ABTB2: variants seen among roughly 807,000 people sequenced by gnomAD.
ABTB2 encodes the protein ankyrin repeat and BTB/POZ domain-containing protein 2.
Under a neutral mutation model 104.1 loss-of-function variants are expected in ABTB2, and 56 were observed. The ratio of observed to expected loss-of-function variants is 0.54; its 90% CI spans 0.43 to 0.67. The LOEUF is 0.67. ABTB2 is among the 30% of genes least tolerant of loss of function. The pLI, the probability that ABTB2 is intolerant of heterozygous loss-of-function variation, is 0.00. For synonymous variants in ABTB2, 606 were observed against 608.2 expected (o/e 1.00, Z 0.05); for missense variants, 1,279 against 1,407.7 (o/e 0.91, Z 1.46).
At chr11:34,308,776 C>A (rs1854809113) in intron 1 of ABTB2, among the ~76,000 whole-genome samples, 1 of 144,330 alleles carries the variant, frequency 6.9e-6, no homozygotes, top group African/African-American at 2.6e-5. Context: ...GAGGTTAAGG[C>A]AGGAGAATTG....
intron 5 of ABTB2, among the ~76,000 whole-genome samples, chr11:34,168,787 C>T (rs1375813409): frequency 6.6e-6 from 1 of 152,252 alleles, no homozygotes; most frequent in African/African-American, 2.4e-5. Flanking sequence ...GTCCTGCTGT[C>T]TCCCTGGGTT....
At chr11:34,275,539 T>A (rs1854373126) in intron 1 of ABTB2, among the ~76,000 whole-genome samples, 1 of 152,116 alleles carries the variant, frequency 6.6e-6, no homozygotes, top group Admixed American at 6.5e-5. Flanking sequence ...TGACCCTTGA[T>A]ATCCTGCCTA....
In ABTB2 at chr11:34,357,651, T is replaced by C. The variant is rs1265176628; in HGVS notation, c.-68A>G. 4 of 1,416,726 alleles carry C rather than the reference T, an allele frequency of 2.8e-6. No individual in the cohort carries two copies. The Middle Eastern group carries it at 6.4e-4, about 226-fold the overall frequency. The allele number at this position is 1,416,726 out of a possible 1,614,324, so 87.8% of individuals were successfully genotyped here. On this transcript the variant is annotated 5_prime_UTR_variant, in exon 1 of 17. Transcript: ENST00000435224. ...ACAACTCCATGCCCTCTTTCCCAAG[T>C]GGGCAGAAACAAGCTCTAGGCCCTC...
intron 3 of ABTB2, among the ~76,000 whole-genome samples, chr11:34,174,324 CAAAAAAAA>C (rs545699866): frequency 9.6e-5 from 11 of 114,898 alleles, no homozygotes; most frequent in African/African-American, 2.7e-4. Flanking sequence ...GACTCCGTCT[CAAAAAAAA>C]AAAAAAAAAA....
At chr11:34,345,459 T>C (rs1855318796) in intron 1 of ABTB2, among the ~76,000 whole-genome samples, 2 of 152,178 alleles carry the variant, frequency 1.3e-5, no homozygotes, top group African/African-American at 4.8e-5. Flanking sequence ...CCTCAATAAA[T>C]ATTTGTTGGG....
At position 34,173,502 on chromosome 11, in the gene ABTB2, A is replaced by C. The variant is rs543144469; in HGVS notation, c.1245-195T>G. ...CCTGAAGGGCAGCAGGGGACCCCTT[A>C]AGCACACACATGCTCACAAGTGGCA... On this transcript the variant is annotated intron_variant, in intron 3 of 16. Transcript: ENST00000435224. Among the ~76,000 whole-genome samples the C allele has an allele frequency of 2.0e-5, 3 of 152,210 alleles. No homozygotes were observed. In the South Asian group the frequency reaches 6.2e-4, roughly 32 times the overall value.
intron 1 of ABTB2, among the ~76,000 whole-genome samples, chr11:34,322,022 G>A (rs1475062575): frequency 6.6e-6 from 1 of 152,178 alleles, no homozygotes; most frequent in African/African-American, 2.4e-5. Context: ...AATGAAGGAA[G>A]GGCAGAGGAT....
intron 1 of ABTB2, among the ~76,000 whole-genome samples, chr11:34,318,602 A>G (rs997473571): frequency 1.3e-5 from 2 of 152,214 alleles, no homozygotes; most frequent in African/African-American, 2.4e-5. Flanking sequence ...GCTACTAAAT[A>G]CACAATGACG....
intron 1 of ABTB2, among the ~76,000 whole-genome samples, chr11:34,310,146 G>A (rs1854832317): frequency 6.6e-6 from 1 of 152,278 alleles, no homozygotes; most frequent in African/African-American, 2.4e-5. Context: ...GCTCAGGGAG[G>A]AAAGCACTGA....
At position 34,349,375 on chromosome 11, in the gene ABTB2, T is replaced by C. The variant is rs532365405; in HGVS notation, c.883+7326A>G. 4.6e-5 allele frequency among the ~76,000 whole-genome samples: 7 copies of C among 152,306 alleles called. No individual in the cohort carries two copies. The South Asian group carries it at 1.5e-3, about 32-fold the overall frequency. Reference sequence around the variant, plus strand: ...TTGTTGGGGGTAATCGAGCCATAACTGAGCAAGGTGCAAGGGTGCTTTTCC... The same window carrying C: ...TTGTTGGGGGTAATCGAGCCATAACCGAGCAAGGTGCAAGGGTGCTTTTCC... On this transcript the variant is annotated intron_variant, in intron 1 of 16. Transcript: ENST00000435224.
chr11:34,205,456 C>T (rs1853397572), intron 1 of ABTB2, among the ~76,000 whole-genome samples: 2 of 152,194 alleles, frequency 1.3e-5, no homozygotes, highest in African/African-American at 2.4e-5. Flanking sequence ...TGAAATCAGA[C>T]TGGTTTAAAA....
chr11:34,258,648 G>A (rs1003128001), intron 1 of ABTB2, among the ~76,000 whole-genome samples: 6 of 108,906 alleles, frequency 5.5e-5, no homozygotes, highest in South Asian at 3.2e-4. Context: ...TCTTGCTCTT[G>A]TTGCCTAGGC....
At chr11:34,299,352 T>G (rs1366917536) in intron 1 of ABTB2, among the ~76,000 whole-genome samples, 4 of 152,032 alleles carry the variant, frequency 2.6e-5, no homozygotes, top group Non-Finnish European at 5.9e-5. Context: ...AAATTGATGG[T>G]TTTTTTTAAA....
chr11:34,276,735 C>G (rs1242056961), intron 1 of ABTB2, among the ~76,000 whole-genome samples: 2 of 152,178 alleles, frequency 1.3e-5, no homozygotes, highest in Non-Finnish European at 2.9e-5. Flanking sequence ...GACTGGAGCA[C>G]TACAACAATA....
chr11:34,285,594 G>A (rs1854496376), intron 1 of ABTB2, among the ~76,000 whole-genome samples: 1 of 152,186 alleles, frequency 6.6e-6, no homozygotes, highest in Non-Finnish European at 1.5e-5. Context: ...TCATCCTTAA[G>A]ATAGCATGGC....
chr11:34,273,338 C>G (rs2133081995), intron 1 of ABTB2, among the ~76,000 whole-genome samples: 1 of 152,264 alleles, frequency 6.6e-6, no homozygotes, highest in South Asian at 2.1e-4. Flanking sequence ...GAGAAAACTC[C>G]AGGCTGTCCA....
At chr11:34,288,103 A>G (rs1358340760) in intron 1 of ABTB2, among the ~76,000 whole-genome samples, 1 of 152,206 alleles carries the variant, frequency 6.6e-6, no homozygotes, top group Non-Finnish European at 1.5e-5. Flanking sequence ...TTTTCCAGAT[A>G]TTTCAACTCA....
At position 34,154,346 on chromosome 11, in the gene ABTB2, A is replaced by G. The variant is rs756591429; in HGVS notation, c.2799T>C (p.Asp933=). The G allele has an allele frequency of 1.9e-6, 3 of 1,613,784 alleles. No homozygotes were observed. The highest frequency in any genetic ancestry group is 2.2e-5 in the South Asian group (2 of 91,026). The change falls in exon 16 of 17, where the codon GAT becomes GAC. Residue 933 remains aspartate, a synonymous_variant. Coordinates refer to ENST00000435224, the MANE Select transcript of ABTB2 (RefSeq NM_145804.3). This position sits in a 1 kb window ranked among gnomAD's most constrained non-coding sequence, Gnocchi z 4.9. ...LLSAASLFQL[D]ALQRHCEILC... ...GGATCTCGCAGTGCCTCTGCAGGGCATCCAGCTGGAACAGGCTGGCAGCTG... is the reference window on the plus strand; with the variant it reads ...GGATCTCGCAGTGCCTCTGCAGGGCGTCCAGCTGGAACAGGCTGGCAGCTG...
intron 1 of ABTB2, among the ~76,000 whole-genome samples, chr11:34,282,521 T>A (rs558085634): frequency 6.6e-6 from 1 of 152,170 alleles, no homozygotes; most frequent in African/African-American, 2.4e-5. Context: ...ACTTTTCTTT[T>A]TTCTTTTCTT....
Sources: allele counts gnomAD v4.1 joint callset (sites outside exome capture counted in the v4.1 genomes callset), GRCh38; gene constraint gnomAD v4.1.1; non-coding constraint Gnocchi (gnomAD v3.1); transcripts MANE v1.5; gene names NCBI Gene and HGNC (gene_info 2026-07-23, HGNC 2026-07-21).